AGAP1: variants seen among roughly 807,000 people sequenced by gnomAD.
The protein encoded by AGAP1 is arf-GAP with GTPase, ANK repeat and PH domain-containing protein 1.
Under a neutral mutation model 105.3 loss-of-function variants are expected in AGAP1, and 29 were observed. The ratio of observed to expected loss-of-function variants is 0.28; its 90% CI spans 0.21 to 0.38. The LOEUF is 0.38. Among genes scored for constraint, AGAP1 ranks in the 10% least tolerant of loss-of-function variants. The probability of loss-of-function intolerance (pLI) is 1.00; values close to 1 mark genes in which losing one functional copy is unlikely to be tolerated. For synonymous variants in AGAP1, 509 were observed against 485.9 expected, an observed-to-expected ratio of 1.05 and a Z score of -0.63; for missense variants, 998 against 1,165.1, an observed-to-expected ratio of 0.86 and a Z score of 2.09.
Position 235,904,291 on chromosome 2 carries a change from C to T in AGAP1, c.1156-4447C>T, listed in dbSNP as rs1404015323. ...CAGGGGGACAGCGAGGCACAGTTAC[C>T]GAGCAATTGGCGGGTTCGGAAACAG... On this transcript the variant is annotated intron_variant, in intron 10 of 17. Transcript: ENST00000304032. The surrounding 1 kb of genome is among the most constrained non-coding windows in gnomAD (Gnocchi z 4.2). Among the ~76,000 whole-genome samples, 1 of 152,174 alleles carries T rather than the reference C, an allele frequency of 6.6e-6. No individual in the cohort carries two copies. Among genetic ancestry groups the T allele is most frequent in the African/African-American group, 2.4e-5 (1 of 41,450 alleles).
chr2:236,001,995 A>G lies in AGAP1; in HGVS notation c.1645+33372A>G, dbSNP rs989529814. ...GATTGGAAGCTTGCGTTGCACATTCAGCCCACGCCTCCATGGCTGGTCCTG... is the reference window on the plus strand; with the variant it reads ...GATTGGAAGCTTGCGTTGCACATTCGGCCCACGCCTCCATGGCTGGTCCTG... On this transcript the variant is annotated intron_variant, in intron 13 of 17. Transcript: ENST00000304032. The surrounding 1 kb of genome is among the most constrained non-coding windows in gnomAD (Gnocchi z 4.7). 6.6e-6 allele frequency among the ~76,000 whole-genome samples: 1 copy of G among 152,170 alleles called. No homozygotes were observed. Among genetic ancestry groups the G allele is most frequent in the South Asian group, 2.1e-4 (1 of 4,822 alleles).
chr2:235,619,099 A>G (rs111986243), intron 1 of AGAP1, among the ~76,000 whole-genome samples: 15 of 152,196 alleles, frequency 9.9e-5, no homozygotes, highest in Admixed American at 1.3e-4. Flanking sequence ...AACCTCCAGG[A>G]TCACAGCCCT....
rs566088872 is a variant in AGAP1 at position 235,936,716 on chromosome 2, G to C, written c.1483+5793G>C. On this transcript the variant is annotated intron_variant, in intron 12 of 17. Coordinates refer to ENST00000304032, the MANE Select transcript of AGAP1 (RefSeq NM_001037131.3). The surrounding 1 kb of genome is among the most constrained non-coding windows in gnomAD (Gnocchi z 4.7). ...CGGTCTCTGACCTGGAAGCTTCTTT[G>C]ATGGGAGGGTATCAGTGAAGCGTGG... Among the ~76,000 whole-genome samples the C allele has an allele frequency of 6.6e-6, 1 of 152,272 alleles. No homozygotes were observed. Among genetic ancestry groups the C allele is most frequent in the East Asian group, 1.9e-4 (1 of 5,160 alleles).
At chr2:235,513,012 T>C (rs1942215432) in intron 1 of AGAP1, among the ~76,000 whole-genome samples, 1 of 152,232 alleles carries the variant, frequency 6.6e-6, no homozygotes, top group Admixed American at 6.5e-5. Flanking sequence ...TGGTCAAGTT[T>C]ATCCTGACCA....
In AGAP1 at chr2:235,621,560, G is replaced by A. The variant is rs1260688160; in HGVS notation, c.164-87619G>A. On this transcript the variant is annotated intron_variant, in intron 1 of 17. Transcript: ENST00000304032. The surrounding 1 kb of genome is among the most constrained non-coding windows in gnomAD (Gnocchi z 4.1). ...CACGTCTCTGAGCCGGCTTCTCTGG[G>A]CACTGGCTGGGCTGACCCCAATGGC... Among the ~76,000 whole-genome samples, 4 of 152,182 alleles carry A rather than the reference G, an allele frequency of 2.6e-5. No individual in the cohort carries two copies. The highest frequency in any genetic ancestry group is 4.1e-4 in the South Asian group (2 of 4,830).
rs1035273061 is a variant in AGAP1 at position 235,901,695 on chromosome 2, A to G, written c.1156-7043A>G. Among the ~76,000 whole-genome samples, 2 of 152,202 alleles carry G rather than the reference A, an allele frequency of 1.3e-5. No individual in the cohort carries two copies. The highest frequency in any genetic ancestry group is 4.8e-5 in the African/African-American group (2 of 41,442). ...CAGAAGTTGGAGACTAGTCTGGCCA[A>G]CATGGTGAAACCCCATCTCTACTAA... On this transcript the variant is annotated intron_variant, in intron 10 of 17. Transcript: ENST00000304032. This position sits in a 1 kb window ranked among gnomAD's most constrained non-coding sequence, Gnocchi z 4.3.
At chr2:235,817,274 C>A (rs548645557) in intron 9 of AGAP1, among the ~76,000 whole-genome samples, 3 of 152,068 alleles carry the variant, frequency 2.0e-5, no homozygotes, top group East Asian at 3.9e-4. Flanking sequence ...CCCTCACACA[C>A]CCCTATGACA....
At chr2:235,658,658 G>A (rs1372816448) in intron 1 of AGAP1, among the ~76,000 whole-genome samples, 4 of 152,028 alleles carry the variant, frequency 2.6e-5, no homozygotes, top group Non-Finnish European at 5.9e-5. Flanking sequence ...AGCTGTTGGC[G>A]GGGCAGAGCC....
At chr2:235,675,946 C>A (rs1312993829) in intron 1 of AGAP1, among the ~76,000 whole-genome samples, 1 of 152,212 alleles carries the variant, frequency 6.6e-6, no homozygotes, top group African/African-American at 2.4e-5. Flanking sequence ...TGTTGACAGG[C>A]ACATTGTAGC....
In AGAP1 at chr2:235,704,131, G is replaced by C. The variant is rs578053060; in HGVS notation, c.164-5048G>C. On this transcript the variant is annotated intron_variant, in intron 1 of 17. Transcript: ENST00000304032. ...TGGACACTGGGATGGGCAGGGCCAG[G>C]TGGGAGAAGCAGGGCTCATCTCTGA... Among the ~76,000 whole-genome samples the C allele has an allele frequency of 2.7e-4, 41 of 152,336 alleles. No individual in the cohort carries two copies. The South Asian group carries it at 8.1e-3, about 30-fold the overall frequency.
intron 1 of AGAP1, among the ~76,000 whole-genome samples, chr2:235,514,977 T>C (rs1249184060): frequency 1.3e-5 from 2 of 152,232 alleles, no homozygotes; most frequent in African/African-American, 4.8e-5. Context: ...CTCAGGCCAT[T>C]GAGGTTGCCA....
At chr2:235,561,871 T>TA (rs1944163682) in intron 1 of AGAP1, among the ~76,000 whole-genome samples, 1 of 152,206 alleles carries the variant, frequency 6.6e-6, no homozygotes, top group African/African-American at 2.4e-5. Flanking sequence ...TAGCTTTCTT[T>TA]ATACCCTTCC....
chr2:235,776,143 A>G (rs1955841990), intron 6 of AGAP1, among the ~76,000 whole-genome samples: 1 of 152,194 alleles, frequency 6.6e-6, no homozygotes, highest in Admixed American at 6.5e-5. Context: ...ACAAGGGCCA[A>G]AAGTGGACCT....
At chr2:235,985,191 C>A (rs578041237) in intron 13 of AGAP1, among the ~76,000 whole-genome samples, 106 of 152,318 alleles carry the variant, frequency 7.0e-4, no homozygotes, top group Non-Finnish European at 1.2e-3. Context: ...ATTTGCATTT[C>A]TCTGATGATC....
intron 9 of AGAP1, chr2:235,852,835 CG>C: frequency 1.4e-6 from 2 of 1,481,208 alleles, no homozygotes; most frequent in African/African-American, 1.4e-5. Context: ...CCCAGCTGTC[CG>C]GGGCCATGAT....
At chr2:235,974,095 G>A (rs1051954281) in intron 13 of AGAP1, among the ~76,000 whole-genome samples, 2 of 152,176 alleles carry the variant, frequency 1.3e-5, no homozygotes, top group Non-Finnish European at 2.9e-5. Context: ...TAACATTCAT[G>A]CAAGTTTGCA....
rs1291742216 is a variant in AGAP1, at chr2:236,127,979, G to A, written c.*3857G>A. Reference sequence around the variant, plus strand: ...ACTTGTTAATAACAGAAACACTGATGGGACCGAAGCCAGTGCACACACCAG... The same window carrying A: ...ACTTGTTAATAACAGAAACACTGATAGGACCGAAGCCAGTGCACACACCAG... On this transcript the variant is annotated 3_prime_UTR_variant, in exon 18 of 18. Coordinates refer to ENST00000304032, the MANE Select transcript of AGAP1 (RefSeq NM_001037131.3). This position sits in a 1 kb window ranked among gnomAD's most constrained non-coding sequence, Gnocchi z 6.6. 1 of 152,262 alleles carries A rather than the reference G, an allele frequency of 6.6e-6. No individual in the cohort carries two copies. The highest frequency in any genetic ancestry group is 1.5e-5 in the Non-Finnish European group (1 of 68,152). 9.4% of individuals were successfully genotyped at this position (152,262 alleles called of 1,614,324 possible). A position where few individuals can be genotyped will look rare whatever the true frequency, so the allele number is the denominator to read the frequency against.
chr2:235,674,757 CAGCTCACTGCA>C (rs1428950635), intron 1 of AGAP1, among the ~76,000 whole-genome samples: 5 of 148,890 alleles, frequency 3.4e-5, no homozygotes, highest in African/African-American at 1.3e-4. Flanking sequence ...TGAGCGATCT[CAGCTCACTGCA>C]ACCTCCCCCT....
Position 236,036,652 on chromosome 2 carries a change from G to C in AGAP1, c.1737G>C (p.Trp579Cys). 6.2e-7 allele frequency: 1 copy of C among 1,614,234 alleles called. No homozygotes were observed. Among genetic ancestry groups the C allele is most frequent in the Non-Finnish European group, 8.5e-7 (1 of 1,180,052 alleles). ...EATTYEERDA[W>C]VQAIESQILA... ...CGACGTATGAGGAGCGGGACGCCTG[G>C]GTCCAAGCCATCGAGAGCCAGATCC... Residue 579 changes from tryptophan to cysteine, a missense_variant, in exon 14 of 18, where the codon TGG (tryptophan) becomes TGC (cysteine). This residue lies in a region of AGAP1 where 735 missense variants were observed against 833.4 expected (regional missense o/e 0.88). Coordinates refer to ENST00000304032, the MANE Select transcript of AGAP1 (RefSeq NM_001037131.3). This position sits in a 1 kb window ranked among gnomAD's most constrained non-coding sequence, Gnocchi z 5.7.
Sources: gnomAD v4.1 joint callset for allele counts (sites outside exome capture counted in the v4.1 genomes callset) on GRCh38, gnomAD v4.1.1 for gene constraint, gnomAD v4.1.1 regional missense constraint, Gnocchi (gnomAD v3.1) non-coding constraint, MANE v1.5 for transcripts, NCBI Gene and HGNC (gene_info 2026-07-23, HGNC 2026-07-21) for gene names.